Variants in UNC79 observed in about 807,000 individuals in gnomAD.
UNC79 encodes the protein unc-79 subunit of NALCN channel complex.
In UNC79, 37 loss-of-function variants were observed where a neutral mutation model predicts 283.1. That is an observed-to-expected ratio of 0.13 (90% CI 0.10 to 0.17). The LOEUF is 0.17. UNC79 is among the 10% of genes least tolerant of loss of function. UNC79 has a pLI of 1.00. For synonymous variants in UNC79, 1,107 were observed against 1,200.2 expected (o/e 0.92, Z 1.61); for missense variants, 2,272 against 3,211.1 (o/e 0.71, Z 7.07).
intron 1 of UNC79, among the ~76,000 whole-genome samples, chr14:93,382,646 A>G (rs1264421109): frequency 6.6e-6 from 1 of 152,188 alleles, no homozygotes; most frequent in East Asian, 1.9e-4. Context: ...AAAAATGAGT[A>G]AGACAGATGC....
chr14:93,595,812 T>C (rs1365877414), intron 23 of UNC79, among the ~76,000 whole-genome samples: 1 of 152,244 alleles, frequency 6.6e-6, no homozygotes, highest in Non-Finnish European at 1.5e-5. Context: ...GTACGTGTCT[T>C]ATCTATTTTA....
At chr14:93,563,116 T>C (rs1396295610) in intron 14 of UNC79, among the ~76,000 whole-genome samples, 4 of 152,130 alleles carry the variant, frequency 2.6e-5, no homozygotes, top group Admixed American at 1.3e-4. Flanking sequence ...GAAGGAGATA[T>C]TTTCCTTGGT....
intron 33 of UNC79, among the ~76,000 whole-genome samples, chr14:93,641,946 T>TG (rs1371444234): frequency 6.6e-6 from 1 of 152,160 alleles, no homozygotes; most frequent in Non-Finnish European, 1.5e-5. Flanking sequence ...CTGCACAAGC[T>TG]CTCTTGCCTC....
intron 22 of UNC79, 111 bp from the exon 23 acceptor site, chr14:93,593,569 C>T (rs1488249922): frequency 1.2e-5 from 16 of 1,295,258 alleles, no homozygotes; most frequent in African/African-American, 1.2e-4. Context: ...TCACCAAAAG[C>T]ACCCCTACCC....
intron 2 of UNC79, among the ~76,000 whole-genome samples, chr14:93,468,672 A>T (rs2057342335): frequency 1.3e-5 from 2 of 152,214 alleles, no homozygotes; most frequent in South Asian, 4.1e-4. Flanking sequence ...TTGCCACGGG[A>T]AAAGCTGAAT....
chr14:93,639,682 A>T (rs1434991537), intron 32 of UNC79, among the ~76,000 whole-genome samples: 1 of 152,256 alleles, frequency 6.6e-6, no homozygotes, highest in Non-Finnish European at 1.5e-5. Flanking sequence ...GGATTTGCAA[A>T]TGTTCTTCTT....
intron 14 of UNC79, among the ~76,000 whole-genome samples, chr14:93,561,784 A>T (rs1446835734): frequency 6.6e-6 from 1 of 152,190 alleles, no homozygotes; most frequent in Non-Finnish European, 1.5e-5. Context: ...TGGGGATAGC[A>T]CCAGGAGATA....
intron 1 of UNC79, among the ~76,000 whole-genome samples, chr14:93,377,329 C>T (rs573530135): frequency 6.6e-6 from 1 of 151,998 alleles, no homozygotes. Context: ...CTCCTAACCT[C>T]GTGATCCACC....
At chr14:93,499,051 C>T (rs1044654564) in intron 7 of UNC79, among the ~76,000 whole-genome samples, 2 of 152,078 alleles carry the variant, frequency 1.3e-5, no homozygotes, top group Non-Finnish European at 2.9e-5. Context: ...TTTACGTTCC[C>T]GATGAAAGAC....
At chr14:93,597,776 A>T (rs545846319) in intron 24 of UNC79, among the ~76,000 whole-genome samples, 1 of 152,264 alleles carries the variant, frequency 6.6e-6, no homozygotes, top group Admixed American at 6.5e-5. Flanking sequence ...CACTAGTTCC[A>T]TTCATTAGGG....
intron 35 of UNC79, among the ~76,000 whole-genome samples, chr14:93,648,543 T>C (rs1295813999): frequency 1.3e-5 from 2 of 152,082 alleles, no homozygotes; most frequent in Non-Finnish European, 2.9e-5. Flanking sequence ...GAGGCAAGAA[T>C]GACTCCTAGG....
chr14:93,401,081 G>T (rs981209484), intron 1 of UNC79, among the ~76,000 whole-genome samples: 11 of 152,088 alleles, frequency 7.2e-5, no homozygotes, highest in African/African-American at 1.4e-4. Context: ...GTATTAGTGG[G>T]GCATCCAGAT....
intron 19 of UNC79, among the ~76,000 whole-genome samples, chr14:93,581,172 T>A (rs893712232): frequency 6.6e-6 from 1 of 151,940 alleles, no homozygotes; most frequent in Non-Finnish European, 1.5e-5. Context: ...TTTAAAAAAA[T>A]TATTTATTAT....
In UNC79 at chr14:93,430,785, A is replaced by C; in HGVS notation, c.-245A>C. 6.7e-6 allele frequency: 3 copies of C among 446,620 alleles called. No individual in the cohort carries two copies. Among genetic ancestry groups the C allele is most frequent in the Non-Finnish European group, 8.3e-6 (2 of 241,308 alleles). The allele number at this position is 446,620 out of a possible 1,614,324, so 27.7% of individuals were successfully genotyped here. On this transcript the variant is annotated 5_prime_UTR_variant, in exon 1 of 49. Coordinates refer to ENST00000555664, the Ensembl canonical transcript of UNC79. The surrounding 1 kb of genome is among the most constrained non-coding windows in gnomAD (Gnocchi z 4.6). ...CAGCTCCAGGAGGGGACGGACAGGA[A>C]GCCTTTGGCCGCCTATTAAATCCCA...
chr14:93,509,189 G>T (rs1030193308), intron 7 of UNC79, among the ~76,000 whole-genome samples: 1 of 152,036 alleles, frequency 6.6e-6, no homozygotes, highest in Non-Finnish European at 1.5e-5. Flanking sequence ...CAGCAAGGGG[G>T]AAATCCACCC....
intron 24 of UNC79, 89 bp downstream of exon 24, chr14:93,597,629 T>G: frequency 7.4e-7 from 1 of 1,348,202 alleles, no homozygotes; most frequent in South Asian, 1.4e-5. Flanking sequence ...CTAGTCTGTT[T>G]GACCTGCTAT....
exon 40 of UNC79, chr14:93,662,654 C>A: frequency 6.2e-7 from 1 of 1,611,724 alleles, no homozygotes; most frequent in Non-Finnish European, 8.5e-7. Context: ...TTCAGAATGC[C>A]GTCTTCACTC....
chr14:93,434,429 T>C (rs1165487088), intron 1 of UNC79, among the ~76,000 whole-genome samples: 1 of 152,184 alleles, frequency 6.6e-6, no homozygotes. Context: ...AGTGAAAATG[T>C]TTGCATAGCT....
chr14:93,335,769 G>C (rs2053565357), intron 1 of UNC79, among the ~76,000 whole-genome samples: 4 of 152,260 alleles, frequency 2.6e-5, no homozygotes. Context: ...GGAAAACCAT[G>C]ACATCATTTG....
Sources: gnomAD v4.1 joint callset for allele counts (sites outside exome capture counted in the v4.1 genomes callset) on GRCh38, gnomAD v4.1.1 for gene constraint, Gnocchi (gnomAD v3.1) non-coding constraint, MANE v1.5 for transcripts, NCBI Gene and HGNC (gene_info 2026-07-23, HGNC 2026-07-21) for gene names.